Variants in SH3PXD2B observed in about 807,000 individuals in gnomAD.
The protein encoded by SH3PXD2B is SH3 and PX domains 2B, also known as SH3 and PX domain-containing protein 2B.
Under a neutral mutation model 73.1 loss-of-function variants are expected in SH3PXD2B, and 37 were observed. The ratio of observed to expected loss-of-function variants is 0.51; its 90% CI spans 0.39 to 0.67. SH3PXD2B has a LOEUF of 0.67. Ranked by LOEUF, SH3PXD2B falls within the 30% of genes least tolerant of loss-of-function variation. The probability of loss-of-function intolerance (pLI) is 0.00; values close to 1 mark genes in which losing one functional copy is unlikely to be tolerated. For missense variants in SH3PXD2B, 1,053 were observed against 1,197.8 expected (o/e 0.88, Z 1.78); for synonymous variants, 457 against 480.5 (o/e 0.95, Z 0.64).
intron 3 of SH3PXD2B, among the ~76,000 whole-genome samples, chr5:172,405,097 C>T (rs1758522223): frequency 6.6e-6 from 1 of 152,236 alleles, no homozygotes; most frequent in Admixed American, 6.5e-5. Context: ...TGGGTAACCC[C>T]TCTCTTTGAG....
At chr5:172,415,404 T>G (rs940898580) in intron 2 of SH3PXD2B, among the ~76,000 whole-genome samples, 1 of 152,116 alleles carries the variant, frequency 6.6e-6, no homozygotes, top group Non-Finnish European at 1.5e-5. Context: ...TATCTTTCAA[T>G]AGGCAGATTG....
Position 172,434,062 on chromosome 5 carries a change from A to G in SH3PXD2B, c.76-11566T>C, listed in dbSNP as rs1374151968. 6.6e-5 allele frequency among the ~76,000 whole-genome samples: 10 copies of G among 151,616 alleles called. No homozygotes were observed. In the East Asian group the frequency reaches 1.9e-3, roughly 29 times the overall value. On this transcript the variant is annotated intron_variant, in intron 1 of 12. Coordinates refer to ENST00000311601, the MANE Select transcript of SH3PXD2B (RefSeq NM_001017995.3). ...AAGTGCTAACAATCAATAGCAGAGT[A>G]GACTAACTATAGTTAACAACAGTGT...
At chr5:172,363,020 C>A in intron 6 of SH3PXD2B, 151 bp from the exon 7 acceptor site, 1 of 1,099,094 alleles carries the variant, frequency 9.1e-7, no homozygotes, top group South Asian at 1.3e-5. Context: ...ATTCATTGTT[C>A]TATTCATGTG....
intron 2 of SH3PXD2B, among the ~76,000 whole-genome samples, chr5:172,409,775 G>A (rs1249498383): frequency 6.6e-6 from 1 of 152,150 alleles, no homozygotes; most frequent in African/African-American, 2.4e-5. Flanking sequence ...GAGTGCAATG[G>A]CACGATCTTG....
At position 172,382,129 on chromosome 5, in the gene SH3PXD2B, T is replaced by C. The variant is rs774657169; in HGVS notation, c.310-2A>G. 6.2e-7 allele frequency: 1 copy of C among 1,603,156 alleles called. No homozygotes were observed. Among genetic ancestry groups the C allele is most frequent in the African/African-American group, 1.3e-5 (1 of 74,860 alleles). On this transcript the variant is annotated splice_acceptor_variant, in intron 4 of 12. Coordinates refer to ENST00000311601, the MANE Select transcript of SH3PXD2B (RefSeq NM_001017995.3). LOFTEE classifies it high-confidence loss of function. ...GTAGGGGGGCAGCTGGATGAGGGCC[T>C]GGAGAAGAGAGACGCAGGTGAGTGC...
At position 172,353,498 on chromosome 5, in the gene SH3PXD2B, G is replaced by A. The variant is rs1757203230; in HGVS notation, c.785+390C>T. Among the ~76,000 whole-genome samples, 2 of 152,178 alleles carry A rather than the reference G, an allele frequency of 1.3e-5. No individual in the cohort carries two copies. Among genetic ancestry groups the A allele is most frequent in the Admixed American group, 6.5e-5 (1 of 15,278 alleles). ...CGAGGGCAGATTATCAGCCTAGGAC[G>A]AATTACAGTCCATGAGTGTTTATGC... is the stretch of plus-strand genomic sequence containing the variant. On this transcript the variant is annotated intron_variant, in intron 9 of 12. Coordinates refer to ENST00000311601, the MANE Select transcript of SH3PXD2B (RefSeq NM_001017995.3). The surrounding 1 kb of genome is among the most constrained non-coding windows in gnomAD (Gnocchi z 4.3).
chr5:172,454,267 GC>G lies in SH3PXD2B; in HGVS notation c.75+10del, dbSNP rs1561590098. Reference sequence around the variant, plus strand: ...GGGCTCAAGGGGGCGTGGGGGCCGCGCCGCACTCACATAATGCTTGTTGGGC... The same window carrying G: ...GGGCTCAAGGGGGCGTGGGGGCCGCGCGCACTCACATAATGCTTGTTGGGC... On this transcript the variant is annotated intron_variant, in intron 1 of 12. Transcript: ENST00000311601. The G allele has an allele frequency of 1.3e-6, 2 of 1,594,176 alleles. No individual in the cohort carries two copies.
At chr5:172,416,688 C>T (rs1324380926) in intron 2 of SH3PXD2B, among the ~76,000 whole-genome samples, 3 of 98,042 alleles carry the variant, frequency 3.1e-5, no homozygotes, top group African/African-American at 1.0e-4. Flanking sequence ...GTCTCTCTCT[C>T]TCTCTCTCTT....
chr5:172,356,033 A>G (rs552369042), intron 8 of SH3PXD2B, among the ~76,000 whole-genome samples: 12 of 152,152 alleles, frequency 7.9e-5, no homozygotes, highest in African/African-American at 2.9e-4. Flanking sequence ...GGCCAAGCTC[A>G]CCACCTCCTG....
In SH3PXD2B at chr5:172,440,725, C is replaced by T. The variant is rs556633549; in HGVS notation, c.75+13553G>A. On this transcript the variant is annotated intron_variant, in intron 1 of 12. Transcript: ENST00000311601. Reference sequence around the variant, plus strand: ...AGAATGTCCAGGGCTCTTCCAGCTGCGAGGCAAGGCCATGCCACACGCAAA... The same window carrying T: ...AGAATGTCCAGGGCTCTTCCAGCTGTGAGGCAAGGCCATGCCACACGCAAA... Among the ~76,000 whole-genome samples the T allele has an allele frequency of 3.5e-4, 53 of 152,218 alleles. 1 individual carries two copies. The highest frequency in any genetic ancestry group is 3.4e-3 in the Middle Eastern group (1 of 294).
intron 1 of SH3PXD2B, among the ~76,000 whole-genome samples, chr5:172,441,461 G>A (rs1389922153): frequency 6.6e-6 from 1 of 152,226 alleles, no homozygotes; most frequent in African/African-American, 2.4e-5. Flanking sequence ...GACTGCGAGG[G>A]TACAAGCAGT....
intron 5 of SH3PXD2B, among the ~76,000 whole-genome samples, chr5:172,379,313 T>TAAA (rs11346663): frequency 1.8e-4 from 20 of 112,806 alleles, no homozygotes; most frequent in African/African-American, 4.7e-4. Flanking sequence ...TACAAAAAAT[T>TAAA]AAAAAAAAAA....
rs372893835 is a variant in SH3PXD2B, at chr5:172,346,236, G to A, written c.1088C>T (p.Pro363Leu). ...TTCCTCCACTTGGGGCGGGATGGGC[G>A]GCTTCGGCAGGTTGAGGCCTCGAGG... Reference protein sequence around the residue: ...TIPRGLNLPKPPIPPQVEEEY... With the variant: ...TIPRGLNLPKLPIPPQVEEEY... The change falls in exon 12 of 13, where the codon CCG becomes CTG. Residue 363 changes from proline to leucine, a missense_variant. Around this residue, in one of 2 missense-constraint regions of SH3PXD2B, gnomAD observed 466 missense variants for 607.1 expected, o/e 0.77. Coordinates refer to ENST00000311601, the MANE Select transcript of SH3PXD2B (RefSeq NM_001017995.3). The A allele has an allele frequency of 6.8e-6, 11 of 1,613,884 alleles. No individual in the cohort carries two copies. Among genetic ancestry groups the A allele is most frequent in the Admixed American group, 6.7e-5 (4 of 60,002 alleles).
Position 172,354,683 on chromosome 5 carries a change from C to T in SH3PXD2B, c.668-678G>A, listed in dbSNP as rs148151444. On this transcript the variant is annotated intron_variant, in intron 8 of 12. Coordinates refer to ENST00000311601, the MANE Select transcript of SH3PXD2B (RefSeq NM_001017995.3). ...GGGTTTCAGGCTGAAATCACTACTGCGGACACGGTGCACAATTTTCATTAC... is the reference window on the plus strand; with the variant it reads ...GGGTTTCAGGCTGAAATCACTACTGTGGACACGGTGCACAATTTTCATTAC... Among the ~76,000 whole-genome samples, 459 of 152,272 alleles carry T rather than the reference C, an allele frequency of 3.0e-3. 1 individual carries two copies. Among genetic ancestry groups the T allele is most frequent in the Non-Finnish European group, 5.7e-3 (387 of 68,020 alleles).
chr5:172,394,541 C>T lies in SH3PXD2B; in HGVS notation c.309+22G>A, dbSNP rs114006535. On this transcript the variant is annotated intron_variant, in intron 4 of 12. Coordinates refer to ENST00000311601, the MANE Select transcript of SH3PXD2B (RefSeq NM_001017995.3). ...CAGAATACACCTACAGGGAAGACTGCGTGGGCATTTCTCAGCCTTACCTTA... is the reference window on the plus strand; with the variant it reads ...CAGAATACACCTACAGGGAAGACTGTGTGGGCATTTCTCAGCCTTACCTTA... 7.6e-4 allele frequency: 1,227 copies of T among 1,612,216 alleles called. 3 individuals are homozygous for T. The highest frequency in any genetic ancestry group is 4.9e-3 in the African/African-American group (364 of 75,006).
chr5:172,443,524 C>T (rs115399772), intron 1 of SH3PXD2B, among the ~76,000 whole-genome samples: 3,090 of 152,318 alleles, frequency 0.02, 96 homozygotes, highest in African/African-American at 0.063. Flanking sequence ...CAGGCCCTGT[C>T]GCAGCCCTTA....
chr5:172,435,607 A>G (rs996427445), intron 1 of SH3PXD2B, among the ~76,000 whole-genome samples: 1 of 152,186 alleles, frequency 6.6e-6, no homozygotes, highest in Non-Finnish European at 1.5e-5. Context: ...ATTTTTTTGT[A>G]GAGATGGGAT....
In SH3PXD2B at chr5:172,337,408, G is replaced by A. The variant is rs1183656399; in HGVS notation, c.*961C>T. The A allele has an allele frequency of 1.0e-6, 1 of 978,454 alleles. No individual in the cohort carries two copies. The highest frequency in any genetic ancestry group is 1.2e-6 in the Non-Finnish European group (1 of 823,664). The allele number at this position is 978,454 out of a possible 1,614,324, so 60.6% of individuals were successfully genotyped here. ...TGGCTGGTGTGTCCTTGGGCACATG[G>A]AGCGTGAATTTCCTCATCTATAAAG... On this transcript the variant is annotated 3_prime_UTR_variant, in exon 13 of 13. Transcript: ENST00000311601.
intron 12 of SH3PXD2B, among the ~76,000 whole-genome samples, chr5:172,341,736 C>T (rs188278709): frequency 3.4e-4 from 52 of 152,254 alleles, no homozygotes; most frequent in Non-Finnish European, 6.6e-4. Context: ...CTGCAGGCTC[C>T]GCCGCCTGGG....
Sources: allele counts gnomAD v4.1 joint callset (sites outside exome capture counted in the v4.1 genomes callset), GRCh38; gene constraint gnomAD v4.1.1; regional missense constraint gnomAD v4.1.1; non-coding constraint Gnocchi (gnomAD v3.1); transcripts MANE v1.5; gene names NCBI Gene and HGNC (gene_info 2026-07-23, HGNC 2026-07-21).